ZNF277: variants seen among roughly 807,000 people sequenced by gnomAD.
ZNF277 encodes nuclear receptor-interacting factor 4.
In ZNF277, 55 loss-of-function variants were observed where a neutral mutation model predicts 60.7. The observed-to-expected ratio is 0.91, with a 90% CI of 0.73 to 1.13. The LOEUF is 1.13. ZNF277 is among the 50% of genes most tolerant of loss of function. The pLI, the probability that ZNF277 is intolerant of heterozygous loss-of-function variation, is 0.00. For synonymous variants in ZNF277, 178 were observed against 179.3 expected (o/e 0.99, Z 0.06); for missense variants, 510 against 523.0 (o/e 0.98, Z 0.24).
In ZNF277 at chr7:112,295,883, G is replaced by A; in HGVS notation, c.308G>A (p.Trp103Ter). The A allele has an allele frequency of 2.5e-6, 4 of 1,611,440 alleles. No homozygotes were observed. The highest frequency in any genetic ancestry group is 3.4e-6 in the Non-Finnish European group (4 of 1,178,116). The change falls in exon 3 of 12, where the codon TGG becomes TAG. Residue 103 changes from tryptophan (W) to a stop codon, truncating the protein, a stop_gained. Transcript: ENST00000361822. LOFTEE classifies it high-confidence loss of function. ...GTTGTTCTAAGGTACATTTTATATT[G>A]GAGGAAAAGGTTCACTGAACAGCCC... ...VADFQRYILY[W>*]RKRFTEQPIT... is the part of the protein sequence containing the mutation.
intron 1 of ZNF277, among the ~76,000 whole-genome samples, chr7:112,244,167 A>G (rs561607448): frequency 6.6e-6 from 1 of 152,262 alleles, no homozygotes; most frequent in Non-Finnish European, 1.5e-5. Flanking sequence ...GGGATGAGGA[A>G]CTACCTAATG....
At chr7:112,271,318 G>A (rs1470076534) in intron 1 of ZNF277, among the ~76,000 whole-genome samples, 1 of 151,988 alleles carries the variant, frequency 6.6e-6, no homozygotes, top group Non-Finnish European at 1.5e-5. Context: ...TTGTTTTATT[G>A]TCCAGCATCA....
At chr7:112,269,038 A>G (rs774723477) in intron 1 of ZNF277, among the ~76,000 whole-genome samples, 1 of 152,150 alleles carries the variant, frequency 6.6e-6, no homozygotes, top group Non-Finnish European at 1.5e-5. Flanking sequence ...CATTAATATG[A>G]TAATACCTGA....
intron 5 of ZNF277, among the ~76,000 whole-genome samples, chr7:112,318,847 G>A (rs1443224621): frequency 6.6e-6 from 1 of 152,010 alleles, no homozygotes; most frequent in Non-Finnish European, 1.5e-5. Context: ...TTTGACCACT[G>A]GTTATAAAGT....
chr7:112,325,226 C>G (rs1352607153), intron 5 of ZNF277, among the ~76,000 whole-genome samples: 1 of 152,160 alleles, frequency 6.6e-6, no homozygotes, highest in African/African-American at 2.4e-5. Context: ...GCTTGGAATC[C>G]TGGGTAGTCC....
chr7:112,333,180 G>A (rs969918171), intron 7 of ZNF277, among the ~76,000 whole-genome samples: 2 of 151,710 alleles, frequency 1.3e-5, no homozygotes, highest in African/African-American at 2.4e-5. Flanking sequence ...ATATTCCCTT[G>A]TTATCCCTCT....
intron 1 of ZNF277, among the ~76,000 whole-genome samples, chr7:112,284,086 A>C (rs1276591306): frequency 2.0e-5 from 3 of 152,344 alleles, no homozygotes; most frequent in African/African-American, 7.2e-5. Context: ...AACTTAGTTA[A>C]GTTTTCTAAA....
chr7:112,311,498 C>G (rs1792732206), intron 4 of ZNF277, among the ~76,000 whole-genome samples: 1 of 152,014 alleles, frequency 6.6e-6, no homozygotes, highest in Non-Finnish European at 1.5e-5. Flanking sequence ...CAAGAATAAA[C>G]TTAAATGAAT....
rs1793476417 is a variant in ZNF277 at position 112,343,067 on chromosome 7, TTATTTA to T, written c.*341_*346del. 6.2e-6 allele frequency: 1 copy of T among 160,782 alleles called. No homozygotes were observed. Among genetic ancestry groups the T allele is most frequent in the African/African-American group, 2.4e-5 (1 of 41,708 alleles). 10.0% of individuals were successfully genotyped at this position (160,782 alleles called of 1,614,324 possible). A position where few individuals can be genotyped will look rare whatever the true frequency, so the allele number is the denominator to read the frequency against. On this transcript the variant is annotated 3_prime_UTR_variant, in exon 12 of 12. Transcript: ENST00000361822. ...ATTACAAAGAAATGAAATGTTCAAATTATTTATAAACCTGATTTTTCAATCAGTAGT... is the reference window on the plus strand; with the variant it reads ...ATTACAAAGAAATGAAATGTTCAAATTAAACCTGATTTTTCAATCAGTAGT...
chr7:112,310,478 A>AGAGAGAGGGAGAGAGAGAGAGAGAGTGT (rs762824873), intron 4 of ZNF277, among the ~76,000 whole-genome samples: 1 of 125,512 alleles, frequency 8.0e-6, no homozygotes, highest in African/African-American at 3.9e-5. Context: ...AGAGAGAGAG[A>AGAGAGAGGGAGAGAGAGAGAGAGAGTGT]GTGTGTGTGT....
At chr7:112,267,699 A>G (rs1791581081) in intron 1 of ZNF277, among the ~76,000 whole-genome samples, 1 of 151,960 alleles carries the variant, frequency 6.6e-6, no homozygotes, top group Admixed American at 6.6e-5. Context: ...GTTAGGGGAT[A>G]TTGGCTGACT....
intron 1 of ZNF277, among the ~76,000 whole-genome samples, chr7:112,260,610 C>T (rs1178790152): frequency 6.6e-6 from 1 of 152,038 alleles, no homozygotes; most frequent in East Asian, 1.9e-4. Context: ...TGAATAAACC[C>T]CTCAGTCTTG....
At chr7:112,333,011 G>C (rs1426919924) in intron 7 of ZNF277, among the ~76,000 whole-genome samples, 1 of 151,934 alleles carries the variant, frequency 6.6e-6, no homozygotes, top group Admixed American at 6.6e-5. Context: ...AAAAATAAAG[G>C]CCAGTGTCTT....
chr7:112,208,353 G>C (rs1821631960), intron 1 of ZNF277, among the ~76,000 whole-genome samples: 1 of 151,954 alleles, frequency 6.6e-6, no homozygotes, highest in Non-Finnish European at 1.5e-5. Flanking sequence ...CAGCCTGGGA[G>C]GCAGAGCAAG....
chr7:112,234,307 A>G (rs2116982720), intron 1 of ZNF277, among the ~76,000 whole-genome samples: 1 of 152,316 alleles, frequency 6.6e-6, no homozygotes, highest in East Asian at 1.9e-4. Context: ...AAACAACAAG[A>G]ATTTATTTCT....
At chr7:112,226,178 C>G (rs1405618988) in intron 1 of ZNF277, among the ~76,000 whole-genome samples, 1 of 152,154 alleles carries the variant, frequency 6.6e-6, no homozygotes, top group Non-Finnish European at 1.5e-5. Context: ...GTAAATATCT[C>G]CAGAAAAGAT....
At chr7:112,339,215 C>A (rs1253007272) in intron 9 of ZNF277, among the ~76,000 whole-genome samples, 1 of 152,216 alleles carries the variant, frequency 6.6e-6, no homozygotes, top group Non-Finnish European at 1.5e-5. Flanking sequence ...ACACTTTTAT[C>A]ACACTGCAGA....
chr7:112,311,380 A>T (rs1792729362), intron 4 of ZNF277, among the ~76,000 whole-genome samples: 1 of 152,094 alleles, frequency 6.6e-6, no homozygotes, highest in Non-Finnish European at 1.5e-5. Flanking sequence ...GTTTTATCTA[A>T]GTGTATTTGT....
At chr7:112,223,827 G>A (rs776874055) in intron 1 of ZNF277, among the ~76,000 whole-genome samples, 2 of 152,172 alleles carry the variant, frequency 1.3e-5, no homozygotes, top group Non-Finnish European at 2.9e-5. Context: ...GTCACAGGAA[G>A]GCTTTCAGAA....
Sources: gnomAD v4.1 joint callset for allele counts (sites outside exome capture counted in the v4.1 genomes callset) on GRCh38, gnomAD v4.1.1 for gene constraint, MANE v1.5 for transcripts, NCBI Gene and HGNC (gene_info 2026-07-23, HGNC 2026-07-21) for gene names.